MYO1E: variants seen among roughly 807,000 people sequenced by gnomAD.
MYO1E encodes unconventional myosin-Ie.
MYO1E carries 68 observed loss-of-function variants against 151.1 expected under a neutral mutation model. The ratio of observed to expected loss-of-function variants is 0.45; its 90% confidence interval spans 0.37 to 0.55. The LOEUF (loss-of-function observed/expected upper bound fraction) is 0.55, where lower values mean the gene tolerates loss of function less well. Ranked by LOEUF, MYO1E falls within the 20% of genes least tolerant of loss-of-function variation. The pLI is 0.00. For missense variants in MYO1E, 1,363 were observed against 1,389.3 expected, an observed-to-expected ratio of 0.98 and a Z score of 0.30; for synonymous variants, 601 against 501.7, an observed-to-expected ratio of 1.20 and a Z score of -2.64.
In MYO1E at chr15:59,209,815, C is replaced by CTTTTTTTTTTTTTTTTTTTTTT. The variant is rs71119441; in HGVS notation, c.1362+677_1362+698dup. ...CTGTATCACTTTTATTTTGAATCAC[C>CTTTTTTTTTTTTTTTTTTTTTT]TTTTTTTTTTTTTTTTTTTTTTTTT... On this transcript the variant is annotated intron_variant, in intron 13 of 27. Coordinates refer to ENST00000288235, the MANE Select transcript of MYO1E (RefSeq NM_004998.4). Among the ~76,000 whole-genome samples, 17 of 49,870 alleles carry CTTTTTTTTTTTTTTTTTTTTTT rather than the reference C, an allele frequency of 3.4e-4. 2 individuals are homozygous for CTTTTTTTTTTTTTTTTTTTTTT. The highest frequency in any genetic ancestry group is 5.6e-4 in the Admixed American group (2 of 3,566). The allele number at this position is 49,870 out of a possible 152,430, so 32.7% of individuals were successfully genotyped here. A position where few individuals can be genotyped will look rare whatever the true frequency, so the allele number is the denominator to read the frequency against.
rs754634947 is a variant in MYO1E at position 59,210,563 on chromosome 15, A to G, written c.1313T>C (p.Ile438Thr). The change falls in exon 13 of 28, where the codon ATT becomes ACT. Residue 438 changes from isoleucine to threonine, a missense_variant. Ile to Thr is a moderately conservative substitution (Grantham distance 89, BLOSUM62 -1). Transcript: ENST00000288235. Reference protein sequence around the residue: ...YVQEGIRWTPIEYFNNKIVCD... With the variant: ...YVQEGIRWTPTEYFNNKIVCD... ...TACGATTTTATTATTAAAGTACTCAATGGGTGTCCATCTTATTCCCTCTTG... is the reference window on the plus strand; with the variant it reads ...TACGATTTTATTATTAAAGTACTCAGTGGGTGTCCATCTTATTCCCTCTTG... 4.4e-6 allele frequency: 7 copies of G among 1,605,670 alleles called. No individual in the cohort carries two copies. Among genetic ancestry groups the G allele is most frequent in the South Asian group, 2.2e-5 (2 of 90,880 alleles).
intron 1 of MYO1E, among the ~76,000 whole-genome samples, chr15:59,322,591 T>C (rs529455457): frequency 6.6e-6 from 1 of 152,298 alleles, no homozygotes; most frequent in African/African-American, 2.4e-5. Context: ...AAGGAAGCCA[T>C]GAGAGCCAGA....
intron 5 of MYO1E, among the ~76,000 whole-genome samples, chr15:59,235,692 TCAG>T (rs1219144297): frequency 6.6e-6 from 1 of 152,228 alleles, no homozygotes; most frequent in African/African-American, 2.4e-5. Flanking sequence ...TAAATTCTTT[TCAG>T]CAGAACTGCT....
rs1354183810 is a variant in MYO1E, at chr15:59,202,227, C to T, written c.1698+99G>A. ...GGCATCTTCTGTAACCACCTCCTCACGTCTCACTGACCTCATCCTGGCCCA... is the reference window on the plus strand; with the variant it reads ...GGCATCTTCTGTAACCACCTCCTCATGTCTCACTGACCTCATCCTGGCCCA... On this transcript the variant is annotated intron_variant, in intron 16 of 27. Coordinates refer to ENST00000288235, the MANE Select transcript of MYO1E (RefSeq NM_004998.4). 4.9e-5 allele frequency: 49 copies of T among 1,008,276 alleles called. No homozygotes were observed. In the East Asian group the frequency reaches 7.0e-4, roughly 14 times the overall value. 62.5% of individuals were successfully genotyped at this position (1,008,276 alleles called of 1,614,324 possible).
At chr15:59,161,024 C>T in intron 24 of MYO1E, 49 bp downstream of exon 24, 1 of 1,610,368 alleles carries the variant, frequency 6.2e-7, no homozygotes, top group Non-Finnish European at 8.5e-7. Context: ...GCTCGGGAGA[C>T]TCGGGGGAGC....
intron 26 of MYO1E, among the ~76,000 whole-genome samples, chr15:59,151,333 C>T (rs528233969): frequency 3.8e-4 from 57 of 151,908 alleles, no homozygotes; most frequent in East Asian, 2.7e-3. Context: ...AGGAGGTTGA[C>T]GCAGGACAGT....
chr15:59,261,310 T>C (rs2080223325), intron 3 of MYO1E, 110 bp downstream of exon 3: 2 of 585,950 alleles, frequency 3.4e-6, no homozygotes, highest in Admixed American at 2.6e-5. Flanking sequence ...GTTTCTCCAA[T>C]AAAAAATTCA....
intron 4 of MYO1E, among the ~76,000 whole-genome samples, chr15:59,243,419 GGTCCACATAAGA>G (rs1216127320): frequency 1.3e-5 from 2 of 152,098 alleles, no homozygotes; most frequent in Admixed American, 1.3e-4. Context: ...TCAATCACTT[GGTCCACATAAGA>G]GTCCTGTGTG....
At chr15:59,357,684 A>G (rs569472026) in intron 1 of MYO1E, among the ~76,000 whole-genome samples, 1 of 152,164 alleles carries the variant, frequency 6.6e-6, no homozygotes, top group South Asian at 2.1e-4. Context: ...TCCTGACCTC[A>G]GGTGATCCAC....
chr15:59,364,044 C>T (rs1277873093), intron 1 of MYO1E, among the ~76,000 whole-genome samples: 1 of 152,166 alleles, frequency 6.6e-6, no homozygotes, highest in Non-Finnish European at 1.5e-5. Context: ...TCCCAAAGTG[C>T]TGGGATAACA....
At chr15:59,281,521 C>A (rs917746790) in intron 1 of MYO1E, among the ~76,000 whole-genome samples, 25 of 152,008 alleles carry the variant, frequency 1.6e-4, no homozygotes, top group African/African-American at 2.4e-5. Context: ...GGTGATCTGC[C>A]CGCCTCGGCC....
intron 4 of MYO1E, among the ~76,000 whole-genome samples, chr15:59,243,099 C>CTT (rs3985715): frequency 0.52 from 68,785 of 133,014 alleles, 19,356 homozygotes; most frequent in Non-Finnish European, 0.62. Flanking sequence ...TTAGACCCTG[C>CTT]TTTTTTTTTT....
intron 1 of MYO1E, among the ~76,000 whole-genome samples, chr15:59,290,918 A>T (rs1329453480): frequency 6.6e-6 from 1 of 152,230 alleles, no homozygotes; most frequent in Admixed American, 6.5e-5. Flanking sequence ...AATAGTAAAA[A>T]TCATTTTATG....
At chr15:59,333,935 C>T (rs1413516476) in intron 1 of MYO1E, among the ~76,000 whole-genome samples, 4 of 152,156 alleles carry the variant, frequency 2.6e-5, no homozygotes, top group Admixed American at 1.3e-4. Context: ...GAAAGGTAAG[C>T]GACTTCCTGA....
At chr15:59,272,550 T>C (rs780357026) in intron 1 of MYO1E, 101 bp from the exon 2 acceptor site, 8 of 1,300,054 alleles carry the variant, frequency 6.2e-6, no homozygotes, top group Non-Finnish European at 8.8e-6. Flanking sequence ...AAATAAAATG[T>C]AGCAGAAAGA....
intron 12 of MYO1E, among the ~76,000 whole-genome samples, chr15:59,213,144 TATTATTA>T (rs2079890874): frequency 6.4e-5 from 3 of 47,144 alleles, no homozygotes; most frequent in African/African-American, 1.8e-4. Context: ...TATTTATTAT[TATTATTA>T]TTATTATTAT....
chr15:59,170,288 G>C (rs1296791419), intron 22 of MYO1E, among the ~76,000 whole-genome samples: 5 of 152,208 alleles, frequency 3.3e-5, no homozygotes, highest in Non-Finnish European at 1.5e-5. Context: ...GGCAATAACA[G>C]AAAGAACAAG....
At chr15:59,371,784 G>A (rs1370010057) in intron 1 of MYO1E, among the ~76,000 whole-genome samples, 5 of 152,038 alleles carry the variant, frequency 3.3e-5, no homozygotes, top group African/African-American at 9.7e-5. Flanking sequence ...TGGCGTCCGG[G>A]GCGCGGAGAC....
At chr15:59,189,777 A>G (rs2079722047) in intron 17 of MYO1E, among the ~76,000 whole-genome samples, 1 of 152,304 alleles carries the variant, frequency 6.6e-6, no homozygotes, top group South Asian at 2.1e-4. Flanking sequence ...GGGTTTCGCC[A>G]TGTTGGCCAG....
Sources: allele counts gnomAD v4.1 joint callset (sites outside exome capture counted in the v4.1 genomes callset), GRCh38; gene constraint gnomAD v4.1.1; transcripts MANE v1.5; gene names NCBI Gene and HGNC (gene_info 2026-07-23, HGNC 2026-07-21).